Variants in CHST8 observed in about 807,000 individuals in gnomAD.
CHST8 encodes the protein GALNAC-4-ST1.
CHST8 carries 10 observed loss-of-function variants against 15.0 expected under a neutral mutation model. The ratio of observed to expected loss-of-function variants is 0.67; its 90% CI spans 0.41 to 1.13. The LOEUF (loss-of-function observed/expected upper bound fraction) is 1.13. CHST8 is among the 50% of genes most tolerant of loss of function. The pLI, the probability that CHST8 is intolerant of heterozygous loss-of-function variation, is 0.00. For synonymous variants in CHST8, 259 were observed against 256.6 expected, an observed-to-expected ratio of 1.01 and a Z score of -0.09; for missense variants, 634 against 608.2, an observed-to-expected ratio of 1.04 and a Z score of -0.45.
chr19:33,676,163 G>A (rs1224732456), intron 2 of CHST8, among the ~76,000 whole-genome samples: 1 of 152,184 alleles, frequency 6.6e-6, no homozygotes. Flanking sequence ...TTTTTTAAAT[G>A]TGCATTGCTT....
At chr19:33,765,513 T>TTGCGTGTGTG (rs1974816437) in intron 3 of CHST8, among the ~76,000 whole-genome samples, 1 of 131,608 alleles carries the variant, frequency 7.6e-6, no homozygotes, top group African/African-American at 3.0e-5. Context: ...ATGCCAGTCT[T>TTGCGTGTGTG]TGTGTGTGTG....
intron 3 of CHST8, among the ~76,000 whole-genome samples, chr19:33,699,601 C>T (rs970888070): frequency 5.3e-5 from 8 of 152,046 alleles, no homozygotes; most frequent in African/African-American, 1.9e-4. Flanking sequence ...TGCTGCTATG[C>T]GTCATGCCTA....
intron 1 of CHST8, among the ~76,000 whole-genome samples, chr19:33,624,969 T>C (rs1972032475): frequency 6.6e-6 from 1 of 152,122 alleles, no homozygotes; most frequent in Non-Finnish European, 1.5e-5. Flanking sequence ...GCTTTGCAGC[T>C]TGGAAAAACC....
intron 3 of CHST8, among the ~76,000 whole-genome samples, chr19:33,714,024 G>A (rs1360017804): frequency 6.6e-6 from 1 of 152,160 alleles, no homozygotes; most frequent in Non-Finnish European, 1.5e-5. Context: ...TCTCAACCTT[G>A]ACTGCTTGTT....
Position 33,655,715 on chromosome 19 carries a change from T to G in CHST8, c.-163-12052T>G, listed in dbSNP as rs558567729. On this transcript the variant is annotated intron_variant, in intron 1 of 4. Transcript: ENST00000650847. ...AGAATTCTATGTGGTATTCTTATAT[T>G]TTTATAAATTTTTTTTGCATCTCTA... 2.7e-4 allele frequency among the ~76,000 whole-genome samples: 41 copies of G among 152,282 alleles called. No homozygotes were observed. In the East Asian group the frequency reaches 5.2e-3, roughly 19 times the overall value.
chr19:33,730,273 A>C (rs1395170606), intron 3 of CHST8, among the ~76,000 whole-genome samples: 2 of 152,236 alleles, frequency 1.3e-5, no homozygotes, highest in African/African-American at 4.8e-5. Flanking sequence ...GGATCACTGG[A>C]TGCTGTGAAG....
chr19:33,763,808 G>C (rs900805634), intron 3 of CHST8, among the ~76,000 whole-genome samples: 3 of 152,226 alleles, frequency 2.0e-5, no homozygotes, highest in African/African-American at 7.2e-5. Flanking sequence ...GAGGCCCATG[G>C]GGACAATGTG....
chr19:33,631,529 A>T (rs1972122291), intron 1 of CHST8, among the ~76,000 whole-genome samples: 1 of 152,114 alleles, frequency 6.6e-6, no homozygotes. Context: ...CACAAAAGTC[A>T]TTTAGCGAGG....
intron 3 of CHST8, among the ~76,000 whole-genome samples, chr19:33,739,812 G>C (rs1180367703): frequency 6.6e-6 from 1 of 151,968 alleles, no homozygotes; most frequent in Non-Finnish European, 1.5e-5. Flanking sequence ...CCAGGCTCTG[G>C]GCATCTCTCA....
intron 2 of CHST8, among the ~76,000 whole-genome samples, chr19:33,669,958 G>A (rs746802879): frequency 9.2e-5 from 14 of 152,158 alleles, no homozygotes; most frequent in Non-Finnish European, 1.8e-4. Flanking sequence ...AGCCGAATTG[G>A]AAAATAATAT....
At chr19:33,763,984 T>TG (rs1228619294) in intron 3 of CHST8, among the ~76,000 whole-genome samples, 1 of 152,166 alleles carries the variant, frequency 6.6e-6, no homozygotes, top group South Asian at 2.1e-4. Flanking sequence ...CAGCCAGGGC[T>TG]GGGGGTGGAC....
At chr19:33,683,001 C>T (rs1393764625) in intron 2 of CHST8, among the ~76,000 whole-genome samples, 4 of 152,090 alleles carry the variant, frequency 2.6e-5, no homozygotes, top group East Asian at 1.9e-4. Context: ...GGGAGGAGGC[C>T]GGTCACATGG....
intron 1 of CHST8, among the ~76,000 whole-genome samples, chr19:33,630,593 G>A (rs1972110103): frequency 6.6e-6 from 1 of 150,940 alleles, no homozygotes; most frequent in Admixed American, 6.6e-5. Flanking sequence ...AGTGTGTGGT[G>A]CAGGCAGTCT....
chr19:33,663,418 ATCTGGGCCTGGTGAC>A (rs1972610690), intron 1 of CHST8, among the ~76,000 whole-genome samples: 1 of 152,148 alleles, frequency 6.6e-6, no homozygotes, highest in Admixed American at 6.5e-5. Flanking sequence ...CTTAAAAATT[ATCTGGGCCTGGTGAC>A]TCGTGCCTGT....
intron 2 of CHST8, among the ~76,000 whole-genome samples, chr19:33,677,282 C>T (rs1600255260): frequency 2.6e-5 from 4 of 152,274 alleles, no homozygotes; most frequent in Admixed American, 2.6e-4. Context: ...CAGACAGATG[C>T]CACAGAGCCC....
At chr19:33,750,268 T>C (rs1460226375) in intron 3 of CHST8, among the ~76,000 whole-genome samples, 1 of 152,176 alleles carries the variant, frequency 6.6e-6, no homozygotes, top group African/African-American at 2.4e-5. Flanking sequence ...AGTAGGGTCC[T>C]GGCTGAGTTC....
At chr19:33,728,925 G>A (rs929118718) in intron 3 of CHST8, among the ~76,000 whole-genome samples, 2 of 152,194 alleles carry the variant, frequency 1.3e-5, no homozygotes, top group African/African-American at 2.4e-5. Context: ...GCGTTAGTCT[G>A]ACTTCTGGCC....
chr19:33,633,726 G>C (rs1041614876), intron 1 of CHST8, among the ~76,000 whole-genome samples: 1 of 151,484 alleles, frequency 6.6e-6, no homozygotes. Flanking sequence ...ACTTAGAAGA[G>C]AATTGTTGGG....
At chr19:33,627,780 G>A (rs1237542586) in intron 1 of CHST8, among the ~76,000 whole-genome samples, 3 of 152,184 alleles carry the variant, frequency 2.0e-5, no homozygotes, top group Non-Finnish European at 4.4e-5. Flanking sequence ...CCCTGCCCCT[G>A]CATGTTTATG....
Sources: allele counts gnomAD v4.1 joint callset (sites outside exome capture counted in the v4.1 genomes callset), GRCh38; gene constraint gnomAD v4.1.1; transcripts MANE v1.5; gene names NCBI Gene and HGNC (gene_info 2026-07-23, HGNC 2026-07-21).